The following DLGAP2 variants were observed in gnomAD, a reference collection of about 807,000 sequenced individuals.
DLGAP2 encodes the protein disks large-associated protein 2.
DLGAP2 carries 26 observed loss-of-function variants against 100.3 expected under a neutral mutation model. The ratio of observed to expected loss-of-function variants is 0.26; its 90% CI spans 0.19 to 0.36. DLGAP2 has a LOEUF of 0.36. DLGAP2 is among the 10% of genes least tolerant of loss of function. The pLI, the probability that DLGAP2 is intolerant of heterozygous loss-of-function variation, is 1.00. For missense variants in DLGAP2, 1,858 were observed against 1,453.2 expected, an observed-to-expected ratio of 1.28 and a Z score of -4.53; for synonymous variants, 886 against 630.1, an observed-to-expected ratio of 1.41 and a Z score of -6.08.
rs1049885473 is a variant in DLGAP2, at chr8:1,521,877, A to G, written c.172+20446A>G. ...GATTTGGGGCGTCTCTGGTTTGCAC[A>G]CTTGTTTTAATTTGGAATACTCGGG... On this transcript the variant is annotated intron_variant, in intron 4 of 14. Coordinates refer to ENST00000637795, the MANE Select transcript of DLGAP2 (RefSeq NM_001346810.2). Among the ~76,000 whole-genome samples the G allele has an allele frequency of 4.8e-5, 7 of 145,886 alleles. No individual in the cohort carries two copies. The East Asian group carries it at 1.4e-3, about 30-fold the overall frequency.
rs1010568254 is a variant in DLGAP2 at position 1,577,172 on chromosome 8, G to A, written c.1442+11278G>A. The stretch of plus-strand genomic sequence containing the variant: ...ATCACAAAAAATGTGAAATATTTCA[G>A]CTGATAGCTGTGTTAATTCACTTCA... On this transcript the variant is annotated intron_variant, in intron 6 of 14. Coordinates refer to ENST00000637795, the MANE Select transcript of DLGAP2 (RefSeq NM_001346810.2). Among the ~76,000 whole-genome samples the A allele has an allele frequency of 2.6e-5, 4 of 152,270 alleles. No individual in the cohort carries two copies. In the East Asian group the frequency reaches 5.8e-4, roughly 22 times the overall value.
intron 1 of DLGAP2, among the ~76,000 whole-genome samples, chr8:902,640 T>G (rs1420614974): frequency 1.4e-3 from 7 of 4,942 alleles, no homozygotes; most frequent in East Asian, 3.5e-3. Flanking sequence ...TGGAAAGTGT[T>G]CGGGTGGGCG....
intron 2 of DLGAP2, among the ~76,000 whole-genome samples, chr8:1,043,199 G>T (rs1230445405): frequency 1.0e-4 from 13 of 125,692 alleles, no homozygotes; most frequent in African/African-American, 3.8e-4. Context: ...TGTTGGTGGT[G>T]GATGCGGGTG....
In DLGAP2 at chr8:968,316, T is replaced by A. The variant is rs144119390; in HGVS notation, c.73+60350T>A. Among the ~76,000 whole-genome samples, 232 of 152,254 alleles carry A rather than the reference T, an allele frequency of 1.5e-3. 1 individual carries two copies. The highest frequency in any genetic ancestry group is 5.5e-3 in the African/African-American group (227 of 41,554). ...CCTTTCAGCTACCGACCCACCTAAT[T>A]CTCTGAGAACCTTTCATGGTCAGAT... On this transcript the variant is annotated intron_variant, in intron 2 of 14. Transcript: ENST00000637795.
At chr8:1,292,514 A>G (rs74748784) in intron 3 of DLGAP2, among the ~76,000 whole-genome samples, 1 of 152,342 alleles carries the variant, frequency 6.6e-6, no homozygotes, top group East Asian at 1.9e-4. Context: ...TCTCTAAAAA[A>G]TTTTGATCTG....
chr8:1,529,603 C>T (rs547935853), intron 4 of DLGAP2, among the ~76,000 whole-genome samples: 2 of 152,220 alleles, frequency 1.3e-5, no homozygotes, highest in South Asian at 2.1e-4. Flanking sequence ...GGCAGGGACT[C>T]GAGTTGCCAA....
chr8:1,361,102 T>A (rs1801973235), intron 3 of DLGAP2, among the ~76,000 whole-genome samples: 1 of 152,170 alleles, frequency 6.6e-6, no homozygotes, highest in Non-Finnish European at 1.5e-5. Context: ...TTCACAGTGA[T>A]GGTGCAGACG....
At chr8:1,227,303 C>A (rs899378950) in intron 2 of DLGAP2, among the ~76,000 whole-genome samples, 10 of 148,578 alleles carry the variant, frequency 6.7e-5, no homozygotes, top group Non-Finnish European at 1.0e-4. Context: ...TTCTTTTTCT[C>A]CTTTTCGATC....
intron 2 of DLGAP2, among the ~76,000 whole-genome samples, chr8:1,134,983 A>G (rs1460711999): frequency 1.3e-5 from 2 of 152,172 alleles, no homozygotes; most frequent in African/African-American, 4.8e-5. Context: ...ATCAAACTCT[A>G]TTGATTAAAC....
intron 3 of DLGAP2, among the ~76,000 whole-genome samples, chr8:1,453,291 G>T (rs1203878681): frequency 6.6e-6 from 1 of 152,174 alleles, no homozygotes; most frequent in Non-Finnish European, 1.5e-5. Context: ...AGGAGCCTGG[G>T]GAGGTGTGTG....
chr8:1,305,480 A>C (rs185794752), intron 3 of DLGAP2, among the ~76,000 whole-genome samples: 1 of 152,258 alleles, frequency 6.6e-6, no homozygotes, highest in East Asian at 1.9e-4. Flanking sequence ...TAAGGTCTTT[A>C]TTCATACATT....
intron 2 of DLGAP2, among the ~76,000 whole-genome samples, chr8:1,219,786 G>T (rs1781712928): frequency 6.6e-6 from 1 of 152,034 alleles, no homozygotes; most frequent in African/African-American, 2.4e-5. Flanking sequence ...ATCAATTTTA[G>T]AACTCATTAT....
chr8:1,459,160 G>A lies in DLGAP2; in HGVS notation c.107-42206G>A, dbSNP rs112303610. ...GGGTCACCCTACAAGACCAGCGTGC[G>A]TCCCAGACAGGAGTGACAGCCAGCT... is the stretch of plus-strand genomic sequence containing the variant. On this transcript the variant is annotated intron_variant, in intron 3 of 14. Coordinates refer to ENST00000637795, the MANE Select transcript of DLGAP2 (RefSeq NM_001346810.2). Among the ~76,000 whole-genome samples, 721 of 83,836 alleles carry A rather than the reference G, an allele frequency of 8.6e-3. 11 individuals carry two copies. The highest frequency in any genetic ancestry group is 0.076 in the East Asian group (100 of 1,324). 55.0% of individuals were successfully genotyped at this position (83,836 alleles called of 152,430 possible). A position where few individuals can be genotyped will look rare whatever the true frequency, so the allele number is the denominator to read the frequency against.
intron 1 of DLGAP2, chr8:883,276 C>G (rs905592706): frequency 1.3e-4 from 20 of 152,270 alleles, no homozygotes; most frequent in African/African-American, 4.8e-4. Flanking sequence ...TCTGGACCAG[C>G]TGTCACAGTC....
At chr8:1,503,181 A>T (rs1418316017) in intron 4 of DLGAP2, among the ~76,000 whole-genome samples, 2 of 152,146 alleles carry the variant, frequency 1.3e-5, no homozygotes, top group Admixed American at 1.3e-4. Flanking sequence ...AGTAAGTTCA[A>T]CAGCATTAAA....
chr8:1,668,669 C>G lies in DLGAP2; in HGVS notation c.2151C>G (p.Ile717Met). Residue 717 changes from isoleucine to methionine, a missense_variant, in exon 9 of 15, where the codon ATC (isoleucine) becomes ATG (methionine). Physicochemically the swap from Ile to Met is conservative, Grantham distance 10. Coordinates refer to ENST00000637795, the MANE Select transcript of DLGAP2 (RefSeq NM_001346810.2). ...TCCTCAAGAGCCGCTGCTCCTCCATCGGGATTCAGGTAGCTGCTCTTGGCC... is the reference window on the plus strand; with the variant it reads ...TCCTCAAGAGCCGCTGCTCCTCCATGGGGATTCAGGTAGCTGCTCTTGGCC... ...EELLKSRCSS[I>M]GIQDSEFPEH... The G allele has an allele frequency of 6.4e-7, 1 of 1,552,248 alleles. No individual in the cohort carries two copies. Among genetic ancestry groups the G allele is most frequent in the East Asian group, 2.4e-5 (1 of 41,888 alleles).
chr8:898,759 G>A (rs1223708550), intron 1 of DLGAP2, among the ~76,000 whole-genome samples: 3 of 152,186 alleles, frequency 2.0e-5, no homozygotes, highest in Non-Finnish European at 4.4e-5. Flanking sequence ...GTTGCTTTGT[G>A]CTCACCGTTC....
chr8:1,422,360 C>T (rs978239365), intron 3 of DLGAP2, among the ~76,000 whole-genome samples: 1 of 152,126 alleles, frequency 6.6e-6, no homozygotes, highest in Non-Finnish European at 1.5e-5. Context: ...CCGTCCACTG[C>T]AAGCGAAGTT....
At chr8:1,697,429 T>TATGTATGTGTGCACATGTGTATACGCAC (rs1476874077) in intron 14 of DLGAP2, 130 bp downstream of exon 14, 67 of 1,305,728 alleles carry the variant, frequency 5.1e-5, no homozygotes, top group Non-Finnish European at 6.4e-5. Flanking sequence ...AATTTCCCTC[T>TATGTATGTGTGCACATGTGTATACGCAC]ATGTATGTGT....
Sources: allele counts gnomAD v4.1 joint callset (sites outside exome capture counted in the v4.1 genomes callset), GRCh38; gene constraint gnomAD v4.1.1; transcripts MANE v1.5; gene names NCBI Gene and HGNC (gene_info 2026-07-23, HGNC 2026-07-21).